Variants in ATP2B3 observed in about 807,000 individuals in gnomAD.
ATP2B3 encodes the protein ATPase plasma membrane Ca2+ transporting 3, also known as plasma membrane calcium-transporting ATPase 3.
In ATP2B3, 12 loss-of-function variants were observed where a neutral mutation model predicts 70.8. The ratio of observed to expected loss-of-function variants is 0.17; its 90% CI spans 0.11 to 0.27. The LOEUF is 0.27. ATP2B3 is among the 10% of genes least tolerant of loss of function. ATP2B3 has a pLI of 1.00. For synonymous variants in ATP2B3, 460 were observed against 497.8 expected, an observed-to-expected ratio of 0.92 and a Z score of 1.01; for missense variants, 858 against 1,118.5, an observed-to-expected ratio of 0.77 and a Z score of 3.32.
intron 2 of ATP2B3, among the ~76,000 whole-genome samples, chrX:153,534,465 C>T (rs1416822246): frequency 2.7e-5 from 3 of 112,348 alleles, no homozygotes; most frequent in Non-Finnish European, 5.6e-5. Flanking sequence ...CCCCCCAATG[C>T]CTGTCCCCAG....
intron 2 of ATP2B3, among the ~76,000 whole-genome samples, chrX:153,529,321 G>T (rs2090079501): frequency 8.9e-6 from 1 of 112,139 alleles, no homozygotes; most frequent in Non-Finnish European, 1.9e-5. Context: ...GCTGCAGGGT[G>T]GGGGTAGGGT....
rs548309675 is a variant in ATP2B3 at position 153,558,495 on chromosome X, G to A, written c.2625+192G>A. Reference sequence around the variant, plus strand: ...ATTTGTAGGACATTCACCACGTTGTGCAACCATTGGCTCTATCTAGTTCCA... The same window carrying A: ...ATTTGTAGGACATTCACCACGTTGTACAACCATTGGCTCTATCTAGTTCCA... On this transcript the variant is annotated intron_variant, in intron 17 of 21. Coordinates refer to ENST00000263519, the MANE Select transcript of ATP2B3 (RefSeq NM_001001344.3). 8.9e-5 allele frequency among the ~76,000 whole-genome samples: 10 copies of A among 112,632 alleles called. No individual in the cohort carries two copies. The South Asian group carries it at 2.2e-3, about 25-fold the overall frequency.
chrX:153,572,909 C>T (rs1262698833), intron 21 of ATP2B3, among the ~76,000 whole-genome samples: 5 of 112,381 alleles, frequency 4.4e-5, no homozygotes, highest in Admixed American at 2.8e-4. Flanking sequence ...GGAGGGTGCG[C>T]GATCATTTGG....
intron 21 of ATP2B3, chrX:153,569,215 G>T (rs2124529333): frequency 2.4e-6 from 1 of 418,595 alleles, no homozygotes; most frequent in Non-Finnish European, 4.5e-6. Context: ...AAGCAGGGCG[G>T]GTTCTAATAG....
intron 16 of ATP2B3, 51 bp downstream of exon 16, chrX:153,557,074 C>G (rs1557014133): frequency 4.6e-6 from 5 of 1,078,068 alleles, no homozygotes. Flanking sequence ...GGGCCTGCAT[C>G]TGTCCCATGG....
chrX:153,576,902 G>T (rs2090864106), intron 21 of ATP2B3, among the ~76,000 whole-genome samples: 1 of 111,890 alleles, frequency 8.9e-6, no homozygotes, highest in South Asian at 3.7e-4. Flanking sequence ...TTCAGTGTTG[G>T]GTGGGCTGAA....
At chrX:153,530,908 G>A (rs781895305) in intron 2 of ATP2B3, among the ~76,000 whole-genome samples, 7 of 112,660 alleles carry the variant, frequency 6.2e-5, no homozygotes, top group Non-Finnish European at 1.3e-4. Context: ...ACCAGCACAA[G>A]TGGAGCCGTG....
At chrX:153,527,893 G>T (rs1054499554) in intron 2 of ATP2B3, among the ~76,000 whole-genome samples, 1 of 112,779 alleles carries the variant, frequency 8.9e-6, no homozygotes, top group Middle Eastern at 4.6e-3. Flanking sequence ...TGCCCTGCTC[G>T]GCTTCCTGGA....
intron 2 of ATP2B3, among the ~76,000 whole-genome samples, chrX:153,523,129 C>T (rs1315188740): frequency 1.8e-5 from 2 of 111,033 alleles, no homozygotes; most frequent in Non-Finnish European, 3.8e-5. Flanking sequence ...TAATATAATC[C>T]CTTCCTAAAT....
In ATP2B3 at chrX:153,569,686, T is replaced by G. The variant is rs781802308; in HGVS notation, c.3342+4583T>G. The stretch of plus-strand genomic sequence containing the variant: ...GGTCTTCGGTCCTCAGCCAGCTTCA[T>G]GACGTAACCAATCTTTCTACCCCTA... On this transcript the variant is annotated intron_variant, in intron 21 of 21. Transcript: ENST00000263519. 2.4e-5 allele frequency: 29 copies of G among 1,209,650 alleles called. No individual in the cohort carries two copies. In the East Asian group the frequency reaches 7.7e-4, roughly 32 times the overall value.
intron 9 of ATP2B3, 140 bp downstream of exon 9, chrX:153,548,139 C>T: frequency 4.6e-6 from 4 of 864,320 alleles, no homozygotes; most frequent in Non-Finnish European, 6.3e-6. Context: ...GGCAAGGGCA[C>T]AGGCCAGGCC....
At chrX:153,552,679 T>C (rs139256575) in intron 12 of ATP2B3, among the ~76,000 whole-genome samples, 1,678 of 112,506 alleles carry the variant, frequency 0.015, 34 homozygotes, top group African/African-American at 0.05. Flanking sequence ...ATGAGCGTCC[T>C]GGTGCCCTCA....
rs781944428 is a variant in ATP2B3 at position 153,539,617 on chromosome X, G to A, written c.209-1742G>A. Among the ~76,000 whole-genome samples the A allele has an allele frequency of 7.9e-5, 9 of 113,283 alleles. No homozygotes were observed. The East Asian group carries it at 2.0e-3, about 25-fold the overall frequency. On this transcript the variant is annotated intron_variant, in intron 3 of 21. Transcript: ENST00000263519. Reference sequence around the variant, plus strand: ...CCCGTCCCTGCAGCAGATGGCAGGCGTGAGCCCAGCTGCCCAGGGCTGGGA... The same window carrying A: ...CCCGTCCCTGCAGCAGATGGCAGGCATGAGCCCAGCTGCCCAGGGCTGGGA...
At chrX:153,562,616 A>G (rs1557016784) in intron 20 of ATP2B3, among the ~76,000 whole-genome samples, 1 of 112,190 alleles carries the variant, frequency 8.9e-6, no homozygotes, top group Admixed American at 9.5e-5. Flanking sequence ...CAGAGAAATT[A>G]GGAAATATTT....
rs782370130 is a variant in ATP2B3 at position 153,581,897 on chromosome X, C to A, written c.*1599C>A. On this transcript the variant is annotated 3_prime_UTR_variant, in exon 22 of 22. Coordinates refer to ENST00000263519, the MANE Select transcript of ATP2B3 (RefSeq NM_001001344.3). Reference sequence around the variant, plus strand: ...CAAGCCTCAGTTTCCCCCAAATGAGCAAAGGGGATAAAGAGGGGCCCGACT... The same window carrying A: ...CAAGCCTCAGTTTCCCCCAAATGAGAAAAGGGGATAAAGAGGGGCCCGACT... 1.1e-4 allele frequency: 12 copies of A among 112,674 alleles called. No individual in the cohort carries two copies. The East Asian group carries it at 3.1e-3, about 29-fold the overall frequency. 9.3% of individuals were successfully genotyped at this position (112,674 alleles called of 1,213,427 possible).
intron 13 of ATP2B3, 139 bp downstream of exon 13, chrX:153,553,408 T>C: frequency 1.9e-6 from 1 of 519,547 alleles, no homozygotes; most frequent in Non-Finnish European, 3.1e-6. Context: ...TCCTGGGTGC[T>C]CTCACCCTGA....
At chrX:153,556,833 AC>A in intron 15 of ATP2B3, 83 bp from the exon 16 acceptor site, 1 of 1,000,107 alleles carries the variant, frequency 1.0e-6, no homozygotes, top group Non-Finnish European at 1.4e-6. Context: ...CAGCCAACCT[AC>A]CCCCATAGCT....
chrX:153,553,340 G>T (rs1196724888), intron 13 of ATP2B3, 71 bp downstream of exon 13: 3 of 988,354 alleles, frequency 3.0e-6, no homozygotes, highest in Non-Finnish European at 4.2e-6. Flanking sequence ...GGACTGGTAG[G>T]GGCGGCCTTC....
rs1031605813 is a variant in ATP2B3, at chrX:153,582,540, C to T, written c.*2242C>T. The T allele has an allele frequency of 3.8e-4, 43 of 112,816 alleles. No individual in the cohort carries two copies. Among genetic ancestry groups the T allele is most frequent in the African/African-American group, 1.3e-3 (41 of 31,038 alleles). The allele number at this position is 112,816 out of a possible 1,213,427, so 9.3% of individuals were successfully genotyped here. On this transcript the variant is annotated 3_prime_UTR_variant, in exon 22 of 22. Transcript: ENST00000263519. ...GGCCAATAGATATTAAAAGCAAACC[C>T]TCACTGCTGCTGTATAAAGTTGCCT...
Sources: gnomAD v4.1 joint callset for allele counts (sites outside exome capture counted in the v4.1 genomes callset) on GRCh38, gnomAD v4.1.1 for gene constraint, MANE v1.5 for transcripts, NCBI Gene and HGNC (gene_info 2026-07-23, HGNC 2026-07-21) for gene names.